GRIK2: variants seen among roughly 807,000 people sequenced by gnomAD.
The protein encoded by GRIK2 is glutamate ionotropic receptor kainate type subunit 2.
A neutral mutation model predicts 100.3 loss-of-function variants in GRIK2; 32 were observed. The ratio of observed to expected loss-of-function variants is 0.32; its 90% CI spans 0.24 to 0.43. GRIK2 has a LOEUF of 0.43. Ranked by LOEUF, GRIK2 falls within the 20% of genes least tolerant of loss-of-function variation. The pLI is 1.00. For synonymous variants in GRIK2, 417 were observed against 389.4 expected, an observed-to-expected ratio of 1.07 and a Z score of -0.83; for missense variants, 843 against 1,114.9, an observed-to-expected ratio of 0.76 and a Z score of 3.47.
At chr6:101,497,857 C>T (rs1005766620) in intron 2 of GRIK2, among the ~76,000 whole-genome samples, 1 of 149,580 alleles carries the variant, frequency 6.7e-6, no homozygotes, top group South Asian at 2.1e-4. Context: ...TGTTTTACAA[C>T]CTTATTTATT....
chr6:101,546,815 G>GTTACT (rs1776257278), intron 2 of GRIK2, among the ~76,000 whole-genome samples: 2 of 80,580 alleles, frequency 2.5e-5, no homozygotes, highest in African/African-American at 8.8e-5. Context: ...TCATGTTTTT[G>GTTACT]TTTCTTTTTT....
intron 2 of GRIK2, among the ~76,000 whole-genome samples, chr6:101,513,033 A>G (rs1057478465): frequency 1.3e-4 from 20 of 152,142 alleles, no homozygotes; most frequent in African/African-American, 4.8e-4. Flanking sequence ...TAATATTTCA[A>G]GAGATTTATT....
At chr6:101,891,857 A>AT (rs1195695643) in intron 12 of GRIK2, among the ~76,000 whole-genome samples, 2 of 152,062 alleles carry the variant, frequency 1.3e-5, no homozygotes, top group Admixed American at 6.6e-5. Flanking sequence ...CAGCCTTCAC[A>AT]TTTTTTATCA....
At chr6:101,948,927 G>A (rs922167729) in intron 14 of GRIK2, among the ~76,000 whole-genome samples, 1 of 152,138 alleles carries the variant, frequency 6.6e-6, no homozygotes, top group Non-Finnish European at 1.5e-5. Flanking sequence ...TGACATGGCA[G>A]TTACTTGACT....
At chr6:101,479,351 T>C (rs1463612844) in intron 2 of GRIK2, among the ~76,000 whole-genome samples, 1 of 152,212 alleles carries the variant, frequency 6.6e-6, no homozygotes, top group East Asian at 1.9e-4. Context: ...CCCTTCTCAG[T>C]GAGGGAGAAT....
chr6:101,855,463 T>C (rs774376228), intron 10 of GRIK2, among the ~76,000 whole-genome samples: 2 of 152,122 alleles, frequency 1.3e-5, no homozygotes, highest in Middle Eastern at 3.2e-3. Flanking sequence ...TGGTGAATCT[T>C]GAGCATAGGG....
At chr6:101,976,651 C>G (rs1793396901) in intron 14 of GRIK2, among the ~76,000 whole-genome samples, 1 of 151,824 alleles carries the variant, frequency 6.6e-6, no homozygotes, top group African/African-American at 2.4e-5. Context: ...CATGCCACCA[C>G]TGCACTCCAA....
chr6:102,053,837 A>G (rs549787151), intron 15 of GRIK2, among the ~76,000 whole-genome samples: 1 of 152,284 alleles, frequency 6.6e-6, no homozygotes, highest in Admixed American at 6.5e-5. Context: ...TAATAATACC[A>G]GGGAACCTAG....
chr6:101,623,963 T>C (rs1410811583), intron 3 of GRIK2, among the ~76,000 whole-genome samples: 1 of 152,080 alleles, frequency 6.6e-6, no homozygotes, highest in East Asian at 1.9e-4. Flanking sequence ...ATTGATAATA[T>C]TGTTAATGAT....
chr6:101,792,808 A>C (rs986863041), intron 7 of GRIK2, among the ~76,000 whole-genome samples: 17 of 152,056 alleles, frequency 1.1e-4, no homozygotes, highest in Admixed American at 3.3e-4. Flanking sequence ...AGTTTTTTCC[A>C]ACTTGGTTCC....
intron 15 of GRIK2, among the ~76,000 whole-genome samples, chr6:102,050,707 A>G (rs978391870): frequency 2.6e-5 from 4 of 151,208 alleles, no homozygotes; most frequent in Non-Finnish European, 4.4e-5. Context: ...AAAGGCAAAA[A>G]AAGAAAAAGA....
At chr6:101,938,738 A>C (rs768295620) in intron 14 of GRIK2, among the ~76,000 whole-genome samples, 4 of 152,084 alleles carry the variant, frequency 2.6e-5, no homozygotes, top group Non-Finnish European at 4.4e-5. Context: ...TTCTGTAAGA[A>C]TAAGGTATGC....
At chr6:101,699,498 A>C (rs930071650) in intron 7 of GRIK2, among the ~76,000 whole-genome samples, 2 of 152,040 alleles carry the variant, frequency 1.3e-5, no homozygotes, top group Non-Finnish European at 2.9e-5. Context: ...CCTTGTCTAC[A>C]CTGTACTTAC....
In GRIK2 at chr6:101,981,889, A is replaced by G. The variant is rs1415247405; in HGVS notation, c.2085+53257A>G. Among the ~76,000 whole-genome samples the G allele has an allele frequency of 2.6e-5, 4 of 151,926 alleles. 1 individual carries two copies. The highest frequency in any genetic ancestry group is 4.8e-5 in the African/African-American group (2 of 41,432). ...ATGGCCTTGATTTTCTTAGTTGAGCAGATGAAAGATAGAAGTGCATGGTTA... is the reference window on the plus strand; with the variant it reads ...ATGGCCTTGATTTTCTTAGTTGAGCGGATGAAAGATAGAAGTGCATGGTTA... On this transcript the variant is annotated intron_variant, in intron 14 of 16. Coordinates refer to ENST00000369134, the MANE Select transcript of GRIK2 (RefSeq NM_021956.5).
chr6:101,644,620 G>A (rs1781436127), intron 4 of GRIK2, among the ~76,000 whole-genome samples: 1 of 151,756 alleles, frequency 6.6e-6, no homozygotes, highest in Non-Finnish European at 1.5e-5. Flanking sequence ...TCTTGATTTA[G>A]GCCTCATAAT....
intron 2 of GRIK2, among the ~76,000 whole-genome samples, chr6:101,537,110 G>C (rs540437398): frequency 6.6e-6 from 1 of 151,658 alleles, no homozygotes; most frequent in Non-Finnish European, 1.5e-5. Flanking sequence ...GGCCGGAGAA[G>C]TTAAAGTGCT....
chr6:101,436,204 A>G (rs760137521), intron 2 of GRIK2, among the ~76,000 whole-genome samples: 57 of 152,094 alleles, frequency 3.7e-4, no homozygotes, highest in Non-Finnish European at 7.6e-4. Flanking sequence ...TAATATAGCT[A>G]CATTTTACTA....
chr6:101,598,617 A>G (rs1425252273), intron 2 of GRIK2, among the ~76,000 whole-genome samples: 1 of 125,382 alleles, frequency 8.0e-6, no homozygotes, highest in African/African-American at 2.6e-5. Context: ...AAAAAGAAAG[A>G]AAAAAAATTT....
At chr6:101,873,997 C>A (rs888021852) in intron 11 of GRIK2, among the ~76,000 whole-genome samples, 2 of 152,006 alleles carry the variant, frequency 1.3e-5, no homozygotes, top group African/African-American at 4.8e-5. Flanking sequence ...TGGATATTAG[C>A]CCTTTGTCAG....
Sources: gnomAD v4.1 joint callset for allele counts (sites outside exome capture counted in the v4.1 genomes callset) on GRCh38, gnomAD v4.1.1 for gene constraint, MANE v1.5 for transcripts, NCBI Gene and HGNC (gene_info 2026-07-23, HGNC 2026-07-21) for gene names.